The following ZNF385D variants were observed in gnomAD, a reference collection of about 807,000 sequenced individuals.
ZNF385D encodes the protein zinc finger protein 659.
ZNF385D carries 15 observed loss-of-function variants against 35.8 expected under a neutral mutation model. The observed-to-expected ratio is 0.42, with a 90% CI of 0.28 to 0.64. The LOEUF (loss-of-function observed/expected upper bound fraction) is 0.64. Ranked by LOEUF, ZNF385D falls within the 30% of genes least tolerant of loss-of-function variation. The pLI is 0.23. For synonymous variants in ZNF385D, 212 were observed against 186.8 expected (o/e 1.13, Z -1.10); for missense variants, 474 against 494.6 (o/e 0.96, Z 0.39).
chr3:21,505,163 G>A (rs1023555256), intron 4 of ZNF385D, among the ~76,000 whole-genome samples: 6 of 152,116 alleles, frequency 3.9e-5, no homozygotes, highest in African/African-American at 1.4e-4. Context: ...TGGTCAGGAT[G>A]AGGACTGGTT....
At chr3:21,726,978 A>C (rs767872028) in intron 1 of ZNF385D, among the ~76,000 whole-genome samples, 9 of 152,210 alleles carry the variant, frequency 5.9e-5, no homozygotes, top group Non-Finnish European at 7.3e-5. Context: ...AGAGATATAT[A>C]GACCAATGGA....
chr3:22,061,468 C>G (rs1699683124), intron 3 of ZNF385D, among the ~76,000 whole-genome samples: 1 of 152,120 alleles, frequency 6.6e-6, no homozygotes, highest in Non-Finnish European at 1.5e-5. Context: ...TTTATTCTCT[C>G]AAGAGCAGCT....
At chr3:21,953,998 G>GA (rs1431067807) in intron 3 of ZNF385D, among the ~76,000 whole-genome samples, 1 of 151,886 alleles carries the variant, frequency 6.6e-6, no homozygotes, top group African/African-American at 2.4e-5. Flanking sequence ...GGACAAAAGA[G>GA]AAAAACAAGG....
At chr3:21,592,615 A>G (rs961288320) in intron 2 of ZNF385D, among the ~76,000 whole-genome samples, 1 of 151,930 alleles carries the variant, frequency 6.6e-6, no homozygotes, top group Non-Finnish European at 1.5e-5. Context: ...TCTTTGAAAA[A>G]GAGAACAAAA....
chr3:22,297,946 C>CTA (rs1456893022), intron 2 of ZNF385D, among the ~76,000 whole-genome samples: 13 of 151,808 alleles, frequency 8.6e-5, no homozygotes, highest in African/African-American at 3.1e-4. Context: ...AAATATGTTT[C>CTA]TATAGTTTTG....
At chr3:22,215,641 A>T (rs1276268006) in intron 2 of ZNF385D, among the ~76,000 whole-genome samples, 2 of 152,038 alleles carry the variant, frequency 1.3e-5, no homozygotes, top group African/African-American at 4.8e-5. Flanking sequence ...CTTCATTAGC[A>T]ATTTTAATTT....
chr3:21,536,804 G>GTCT (rs2062045336), intron 3 of ZNF385D, among the ~76,000 whole-genome samples: 1 of 152,018 alleles, frequency 6.6e-6, no homozygotes, highest in Non-Finnish European at 1.5e-5. Flanking sequence ...CTTAAATACA[G>GTCT]TGGCCAGAGT....
chr3:22,297,937 A>T (rs1300358992), intron 2 of ZNF385D, among the ~76,000 whole-genome samples: 1 of 152,054 alleles, frequency 6.6e-6, no homozygotes, highest in Non-Finnish European at 1.5e-5. Flanking sequence ...TGCATCTATA[A>T]ATATGTTTCT....
chr3:21,925,256 G>A (rs1272911453), intron 3 of ZNF385D, among the ~76,000 whole-genome samples: 1 of 152,122 alleles, frequency 6.6e-6, no homozygotes, highest in East Asian at 1.9e-4. Flanking sequence ...TTTCTATATA[G>A]CTATGACAAC....
At chr3:22,105,620 G>C (rs1454960486) in intron 3 of ZNF385D, among the ~76,000 whole-genome samples, 1 of 130,096 alleles carries the variant, frequency 7.7e-6, no homozygotes. Context: ...GAGGGACTGA[G>C]AACCAGGACC....
chr3:21,551,921 A>C (rs1020643916), intron 3 of ZNF385D, among the ~76,000 whole-genome samples: 1 of 152,192 alleles, frequency 6.6e-6, no homozygotes, highest in African/African-American at 2.4e-5. Context: ...TTAAAAAAAT[A>C]TATAAAAGTT....
At chr3:21,704,152 A>G (rs1425296152) in intron 1 of ZNF385D, among the ~76,000 whole-genome samples, 1 of 152,176 alleles carries the variant, frequency 6.6e-6, no homozygotes, top group African/African-American at 2.4e-5. Context: ...TTTTGCTCCC[A>G]TGTAAGCTCC....
chr3:21,675,085 TAGAAA>T (rs201128023), intron 1 of ZNF385D, among the ~76,000 whole-genome samples: 1,634 of 152,126 alleles, frequency 0.011, 29 homozygotes, highest in African/African-American at 0.036. Flanking sequence ...TTTGAAGAAC[TAGAAA>T]AGAAAAGCGG....
intron 1 of ZNF385D, among the ~76,000 whole-genome samples, chr3:21,739,070 G>C (rs531870935): frequency 3.3e-5 from 5 of 152,184 alleles, no homozygotes; most frequent in African/African-American, 7.2e-5. Flanking sequence ...GAAGCGTATG[G>C]CATTTGACAG....
At chr3:21,860,681 A>C (rs9847713) in intron 3 of ZNF385D, among the ~76,000 whole-genome samples, 3,124 of 152,250 alleles carry the variant, frequency 0.021, 119 homozygotes, top group African/African-American at 0.07. Flanking sequence ...TTTCAAAGTC[A>C]GGCCTCCAAA....
At chr3:21,463,394 AACT>A (rs1703309251) in intron 4 of ZNF385D, among the ~76,000 whole-genome samples, 1 of 152,182 alleles carries the variant, frequency 6.6e-6, no homozygotes, top group Non-Finnish European at 1.5e-5. Flanking sequence ...CAATTAGAAA[AACT>A]ACTAATTACT....
At chr3:21,614,520 G>A (rs1215067786) in intron 2 of ZNF385D, among the ~76,000 whole-genome samples, 1 of 152,196 alleles carries the variant, frequency 6.6e-6, no homozygotes, top group Non-Finnish European at 1.5e-5. Flanking sequence ...GTGGATATGA[G>A]CATGGAGGAA....
chr3:21,557,709 T>G (rs2062790116), intron 3 of ZNF385D, among the ~76,000 whole-genome samples: 1 of 152,312 alleles, frequency 6.6e-6, no homozygotes, highest in African/African-American at 2.4e-5. Context: ...TCTTTTTCTG[T>G]TCCTTGGAAT....
chr3:22,248,666 C>T (rs1458573873), intron 2 of ZNF385D, among the ~76,000 whole-genome samples: 1 of 152,212 alleles, frequency 6.6e-6, no homozygotes, highest in South Asian at 2.1e-4. Context: ...TTCCATAACT[C>T]TACAGGGGAA....
Sources: gnomAD v4.1 joint callset for allele counts (sites outside exome capture counted in the v4.1 genomes callset) on GRCh38, gnomAD v4.1.1 for gene constraint, MANE v1.5 for transcripts, NCBI Gene and HGNC (gene_info 2026-07-23, HGNC 2026-07-21) for gene names.